ATP8A1: variants seen among roughly 807,000 people sequenced by gnomAD.
ATP8A1 encodes ATPase phospholipid transporting 8A1.
A neutral mutation model predicts 177.7 loss-of-function variants in ATP8A1; 90 were observed. The observed-to-expected ratio is 0.51, with a 90% confidence interval of 0.43 to 0.60. The LOEUF is 0.60. ATP8A1 is among the 20% of genes least tolerant of loss of function. The probability of loss-of-function intolerance (pLI) is 0.00; values close to 1 mark genes in which losing one functional copy is unlikely to be tolerated. For synonymous variants in ATP8A1, 493 were observed against 485.9 expected (o/e 1.01, Z -0.19); for missense variants, 1,072 against 1,392.8 (o/e 0.77, Z 3.67).
chr4:42,511,821 A>ATTT (rs10658644), intron 22 of ATP8A1, among the ~76,000 whole-genome samples: 18 of 151,446 alleles, frequency 1.2e-4, no homozygotes, highest in Non-Finnish European at 2.5e-4. Context: ...AGATGATGTC[A>ATTT]TTTTTTTTTA....
At chr4:42,463,071 G>T (rs1719344213) in intron 27 of ATP8A1, among the ~76,000 whole-genome samples, 1 of 152,134 alleles carries the variant, frequency 6.6e-6, no homozygotes, top group Admixed American at 6.5e-5. Flanking sequence ...TAGGCGGAAG[G>T]GACTTGCCTT....
At chr4:42,530,536 A>G (rs937248216) in intron 20 of ATP8A1, among the ~76,000 whole-genome samples, 2 of 152,224 alleles carry the variant, frequency 1.3e-5, no homozygotes, top group African/African-American at 4.8e-5. Flanking sequence ...CCACTGTCAC[A>G]GTATTCCACA....
chr4:42,538,540 C>T (rs780409045), intron 20 of ATP8A1, among the ~76,000 whole-genome samples: 1 of 152,100 alleles, frequency 6.6e-6, no homozygotes, highest in Admixed American at 6.6e-5. Flanking sequence ...CCAGAATCTA[C>T]AACAAACTCA....
intron 19 of ATP8A1, among the ~76,000 whole-genome samples, chr4:42,546,472 C>A (rs1282036458): frequency 6.6e-6 from 1 of 151,486 alleles, no homozygotes; most frequent in African/African-American, 2.4e-5. Flanking sequence ...AGGAGATATA[C>A]CCAAAGCTAA....
intron 1 of ATP8A1, among the ~76,000 whole-genome samples, chr4:42,632,174 T>C (rs950572151): frequency 6.6e-6 from 1 of 152,214 alleles, no homozygotes; most frequent in Admixed American, 6.5e-5. Context: ...GTATAGCAGC[T>C]TCTGGGAAAT....
intron 20 of ATP8A1, among the ~76,000 whole-genome samples, chr4:42,539,862 G>C (rs1487378540): frequency 6.6e-6 from 1 of 151,930 alleles, no homozygotes; most frequent in African/African-American, 2.4e-5. Flanking sequence ...GAAAACCTAG[G>C]GAAAACTATC....
In ATP8A1 at chr4:42,586,384, G is replaced by A. The variant is rs142811883; in HGVS notation, c.687C>T (p.Tyr229=). ...CAAGCCTTATGTTTCCAACAAAATC[G>A]TAGAGATGTCTGTTTGGACTTTCAC... The part of the protein sequence containing the change: ...IECESPNRHL[Y]DFVGNIRLDG... Residue 229 remains tyrosine, a synonymous_variant, in exon 9 of 37, where the codon TAC becomes TAT. Transcript: ENST00000381668. The A allele has an allele frequency of 4.5e-5, 73 of 1,613,888 alleles. No homozygotes were observed. Among genetic ancestry groups the A allele is most frequent in the Non-Finnish European group, 5.8e-5 (69 of 1,179,972 alleles).
At chr4:42,550,196 CT>C (rs34752933) in intron 18 of ATP8A1, among the ~76,000 whole-genome samples, 17,417 of 140,750 alleles carry the variant, frequency 0.12, 998 homozygotes, top group Middle Eastern at 0.16. Flanking sequence ...TTGTGTCTGG[CT>C]TTTTTTTTTT....
chr4:42,556,610 G>A (rs961855566), intron 15 of ATP8A1, among the ~76,000 whole-genome samples: 1 of 151,982 alleles, frequency 6.6e-6, no homozygotes, highest in Non-Finnish European at 1.5e-5. Flanking sequence ...ATAAAAGTAT[G>A]GAATTTTTGT....
chr4:42,528,210 ATACT>A (rs1322985789), intron 20 of ATP8A1, among the ~76,000 whole-genome samples: 1 of 152,162 alleles, frequency 6.6e-6, no homozygotes, highest in Non-Finnish European at 1.5e-5. Flanking sequence ...TGGCATAGAC[ATACT>A]TAGCAACTGG....
intron 9 of ATP8A1, among the ~76,000 whole-genome samples, chr4:42,584,447 A>G (rs1166341660): frequency 6.6e-6 from 1 of 152,168 alleles, no homozygotes; most frequent in African/African-American, 2.4e-5. Context: ...TGTTCTAATC[A>G]ATTTCAATGA....
intron 14 of ATP8A1, among the ~76,000 whole-genome samples, chr4:42,569,649 T>C (rs1460354): frequency 0.17 from 26,313 of 152,028 alleles, 2,489 homozygotes; most frequent in East Asian, 0.24. Flanking sequence ...AGAAGTAACT[T>C]TGGCTACCAC....
intron 1 of ATP8A1, among the ~76,000 whole-genome samples, chr4:42,652,595 C>T (rs1241150039): frequency 1.3e-5 from 2 of 152,138 alleles, no homozygotes; most frequent in Non-Finnish European, 2.9e-5. Flanking sequence ...TGTGTCCCCA[C>T]CCAAATCTCA....
At chr4:42,427,323 A>C (rs533491559) in intron 33 of ATP8A1, among the ~76,000 whole-genome samples, 1 of 152,248 alleles carries the variant, frequency 6.6e-6, no homozygotes, top group Non-Finnish European at 1.5e-5. Flanking sequence ...ATTTATCTTC[A>C]TAAGAATAGC....
intron 15 of ATP8A1, among the ~76,000 whole-genome samples, chr4:42,558,683 A>G (rs1397664256): frequency 6.6e-6 from 1 of 152,210 alleles, no homozygotes; most frequent in African/African-American, 2.4e-5. Flanking sequence ...GGAAGAAAAG[A>G]GCTGAATCCA....
intron 15 of ATP8A1, among the ~76,000 whole-genome samples, chr4:42,565,565 T>C (rs1392645912): frequency 6.6e-6 from 1 of 152,226 alleles, no homozygotes; most frequent in Admixed American, 6.5e-5. Context: ...GTGATCCTTC[T>C]GGGGAATCAC....
intron 1 of ATP8A1, among the ~76,000 whole-genome samples, chr4:42,632,916 C>G (rs1282897070): frequency 6.6e-6 from 1 of 152,128 alleles, no homozygotes; most frequent in Admixed American, 6.6e-5. Flanking sequence ...ACTCTCAGCT[C>G]TAAAATTCTG....
chr4:42,654,696 T>G (rs978708942), intron 1 of ATP8A1, among the ~76,000 whole-genome samples: 1 of 152,222 alleles, frequency 6.6e-6, no homozygotes, highest in African/African-American at 2.4e-5. Context: ...AAGAGAGATA[T>G]GATTAACACA....
At chr4:42,590,567 T>A (rs1348527668) in intron 7 of ATP8A1, among the ~76,000 whole-genome samples, 4 of 152,196 alleles carry the variant, frequency 2.6e-5, no homozygotes, top group Non-Finnish European at 5.9e-5. Flanking sequence ...TTTACTGTCA[T>A]GCCTCTTAGA....
Sources: allele counts gnomAD v4.1 joint callset (sites outside exome capture counted in the v4.1 genomes callset), GRCh38; gene constraint gnomAD v4.1.1; transcripts MANE v1.5; gene names NCBI Gene and HGNC (gene_info 2026-07-23, HGNC 2026-07-21).